CHRD: variants seen among roughly 807,000 people sequenced by gnomAD.
CHRD encodes the protein chordin.
Under a neutral mutation model 113.7 loss-of-function variants are expected in CHRD, and 69 were observed. The ratio of observed to expected loss-of-function variants is 0.61; its 90% CI spans 0.50 to 0.74. CHRD has a LOEUF of 0.74. Ranked by LOEUF, CHRD falls within the 30% of genes least tolerant of loss-of-function variation. The pLI, the probability that CHRD is intolerant of heterozygous loss-of-function variation, is 0.00. For missense variants in CHRD, 1,194 were observed against 1,295.8 expected (o/e 0.92, Z 1.21); for synonymous variants, 561 against 540.8 (o/e 1.04, Z -0.52).
chr3:184,388,065 C>A lies in CHRD; in HGVS notation c.2554+32C>A. On this transcript the variant is annotated intron_variant, in intron 20 of 22. Coordinates refer to ENST00000204604, the Ensembl canonical transcript of CHRD. The surrounding 1 kb of genome is among the most constrained non-coding windows in gnomAD (Gnocchi z 6.1). ...GAGGTGGCTGAGCACTGAGGCCTCA[C>A]CTTTGGGTTGAGGCAGGCTTTGTCC... The A allele has an allele frequency of 6.3e-7, 1 of 1,585,188 alleles. No individual in the cohort carries two copies. Among genetic ancestry groups the A allele is most frequent in the South Asian group, 1.1e-5 (1 of 88,708 alleles).
exon 23 of CHRD, chr3:184,389,588 G>T: frequency 1.6e-6 from 1 of 636,698 alleles, no homozygotes; most frequent in Non-Finnish European, 2.8e-6. Context: ...CTCCACAAGG[G>T]GGAGAGGCAG....
Position 184,387,465 on chromosome 3 carries a change from C to G in CHRD, c.2439C>G (p.Val813=), listed in dbSNP as rs1471955334. ...CCTTTGGCTTAATTAAGTGTGCTGTCTGCACCTGCAAGGTATGGCCACCCA... is the reference window on the plus strand; with the variant it reads ...CCTTTGGCTTAATTAAGTGTGCTGTGTGCACCTGCAAGGTATGGCCACCCA... The change falls in exon 19 of 23, where the codon GTC becomes GTG. Residue 813 remains valine (V), a synonymous_variant. Coordinates refer to ENST00000204604, the Ensembl canonical transcript of CHRD. The surrounding 1 kb of genome is among the most constrained non-coding windows in gnomAD (Gnocchi z 6.1). 6 of 1,609,202 alleles carry G rather than the reference C, an allele frequency of 3.7e-6. No homozygotes were observed. Among genetic ancestry groups the G allele is most frequent in the Non-Finnish European group, 4.2e-6 (5 of 1,177,912 alleles).
At position 184,384,506 on chromosome 3, in the gene CHRD, G is replaced by A; in HGVS notation, c.1441-31G>A. 6.8e-7 allele frequency: 1 copy of A among 1,461,050 alleles called. No individual in the cohort carries two copies. Among genetic ancestry groups the A allele is most frequent in the Non-Finnish European group, 9.0e-7 (1 of 1,106,550 alleles). 90.5% of individuals were successfully genotyped at this position (1,461,050 alleles called of 1,614,324 possible). ...TTCAGAACCTTGGACTCGTGTGAGA[G>A]CTGAGAAGGCCTATCCTCCCCTGCC... On this transcript the variant is annotated intron_variant, in intron 12 of 22. Coordinates refer to ENST00000204604, the Ensembl canonical transcript of CHRD. The surrounding 1 kb of genome is among the most constrained non-coding windows in gnomAD (Gnocchi z 4.4).
Position 184,388,387 on chromosome 3 carries a change from G to C in CHRD, c.2555-200G>C, listed in dbSNP as rs866033946. ...TCCATCCACCCATCCACCCATTGAT[G>C]CATCCATCCATCCATCCATCCATCC... On this transcript the variant is annotated intron_variant, in intron 20 of 22. Coordinates refer to ENST00000204604, the Ensembl canonical transcript of CHRD. The surrounding 1 kb of genome is among the most constrained non-coding windows in gnomAD (Gnocchi z 6.1). 6.8e-6 allele frequency among the ~76,000 whole-genome samples: 1 copy of C among 146,108 alleles called. No individual in the cohort carries two copies. Among genetic ancestry groups the C allele is most frequent in the East Asian group, 2.1e-4 (1 of 4,726 alleles).
Position 184,380,615 on chromosome 3 carries a change from C to G in CHRD, c.149-77C>G. Reference sequence around the variant, plus strand: ...GCAGAAGGGCGCGGTGCCTGGGACCCGGGACCCGCGGGCAGCCCCCGGGGC... The same window carrying G: ...GCAGAAGGGCGCGGTGCCTGGGACCGGGGACCCGCGGGCAGCCCCCGGGGC... On this transcript the variant is annotated intron_variant, in intron 1 of 22. Transcript: ENST00000204604. The surrounding 1 kb of genome is among the most constrained non-coding windows in gnomAD (Gnocchi z 6.3). The G allele has an allele frequency of 8.0e-7, 1 of 1,242,672 alleles. No individual in the cohort carries two copies. The highest frequency in any genetic ancestry group is 1.0e-6 in the Non-Finnish European group (1 of 955,820). 77.0% of individuals were successfully genotyped at this position (1,242,672 alleles called of 1,614,324 possible).
chr3:184,388,389 A>G lies in CHRD; in HGVS notation c.2555-198A>G, dbSNP rs1716695420. 2.0e-5 allele frequency among the ~76,000 whole-genome samples: 1 copy of G among 49,344 alleles called. No homozygotes were observed. Among genetic ancestry groups the G allele is most frequent in the Admixed American group, 1.6e-4 (1 of 6,222 alleles). The allele number at this position is 49,344 out of a possible 152,430, so 32.4% of individuals were successfully genotyped here. On this transcript the variant is annotated intron_variant, in intron 20 of 22. Coordinates refer to ENST00000204604, the Ensembl canonical transcript of CHRD. The surrounding 1 kb of genome is among the most constrained non-coding windows in gnomAD (Gnocchi z 6.1). ...CATCCACCCATCCACCCATTGATGCATCCATCCATCCATCCATCCATCCAT... is the reference window on the plus strand; with the variant it reads ...CATCCACCCATCCACCCATTGATGCGTCCATCCATCCATCCATCCATCCAT...
In CHRD at chr3:184,380,338, CG is replaced by C; in HGVS notation, c.21del (p.Pro8ArgfsTer61). On this transcript the variant is annotated frameshift_variant, in exon 1 of 23. Transcript: ENST00000204604. LOFTEE classifies it high-confidence loss of function. The surrounding 1 kb of genome is among the most constrained non-coding windows in gnomAD (Gnocchi z 6.3). Reference sequence around the variant, plus strand: ...CGCGTCATGCCGAGCCTCCCGGCCCCGCCGGCCCCGCTGCTGCTCCTCGGGC... The same window carrying C: ...CGCGTCATGCCGAGCCTCCCGGCCCCCCGGCCCCGCTGCTGCTCCTCGGGC... The C allele has an allele frequency of 1.5e-6, 2 of 1,354,082 alleles. No individual in the cohort carries two copies. The highest frequency in any genetic ancestry group is 5.3e-5 in the Admixed American group (2 of 37,502). 83.9% of individuals were successfully genotyped at this position (1,354,082 alleles called of 1,614,324 possible).
chr3:184,382,940 T>A lies in CHRD; in HGVS notation c.1065+2T>A. ...CTTCAGGCCAATGTCTCAGCCCAGG[T>A]GAGTGGGGATCTGGCTCTCGCTGCC... On this transcript the variant is annotated splice_donor_variant, in intron 9 of 22. Transcript: ENST00000204604. LOFTEE classifies it high-confidence loss of function. 1 of 1,613,886 alleles carries A rather than the reference T, an allele frequency of 6.2e-7. No homozygotes were observed. The highest frequency in any genetic ancestry group is 8.5e-7 in the Non-Finnish European group (1 of 1,179,936).
At position 184,389,008 on chromosome 3, in the gene CHRD, G is replaced by T; in HGVS notation, c.2812+13G>T. On this transcript the variant is annotated intron_variant, in intron 22 of 22. Coordinates refer to ENST00000204604, the Ensembl canonical transcript of CHRD. ...GCCCACCGGCGGCGTAAGTGAGGGA[G>T]TCCAGGGTCAGCAGCTGTGAGTGGA... The T allele has an allele frequency of 6.3e-7, 1 of 1,588,322 alleles. No individual in the cohort carries two copies. The highest frequency in any genetic ancestry group is 8.6e-7 in the Non-Finnish European group (1 of 1,161,890).
rs1920128 is a variant in CHRD, at chr3:184,380,405, A to T, written c.87A>T (p.Pro29=). The T allele has an allele frequency of 6.8e-6, 9 of 1,332,100 alleles. No homozygotes were observed. Among genetic ancestry groups the T allele is most frequent in the South Asian group, 1.5e-5 (1 of 65,672 alleles). The allele number at this position is 1,332,100 out of a possible 1,614,324, so 82.5% of individuals were successfully genotyped here. Reference sequence around the variant, plus strand: ...CCCGGCCGGCCCGCGGCGCCGGCCCAGAGCCCCCCGTGCTGCCCATCCGTT... The same window carrying T: ...CCCGGCCGGCCCGCGGCGCCGGCCCTGAGCCCCCCGTGCTGCCCATCCGTT... The change falls in exon 1 of 23, where the codon CCA becomes CCT. Residue 29 remains proline, a synonymous_variant. Coordinates refer to ENST00000204604, the Ensembl canonical transcript of CHRD. The surrounding 1 kb of genome is among the most constrained non-coding windows in gnomAD (Gnocchi z 6.3).
At position 184,381,171 on chromosome 3, in the gene CHRD, C is replaced by T. The variant is rs1248387065; in HGVS notation, c.253-64C>T. ...GGCTGACTCTGCGGGACATCCTTGC[C>T]TGGGGGGGTCTCATCAGTTGGCATC... On this transcript the variant is annotated intron_variant, in intron 2 of 22. Transcript: ENST00000204604. The surrounding 1 kb of genome is among the most constrained non-coding windows in gnomAD (Gnocchi z 4.7). 1.3e-6 allele frequency: 2 copies of T among 1,596,642 alleles called. No individual in the cohort carries two copies. The highest frequency in any genetic ancestry group is 1.7e-6 in the Non-Finnish European group (2 of 1,167,760).
At chr3:184,386,344 C>A in intron 15 of CHRD, 148 bp from the exon 16 acceptor site, 3 of 1,292,896 alleles carry the variant, frequency 2.3e-6, no homozygotes, top group Non-Finnish European at 3.2e-6. Context: ...CTATCCCTGG[C>A]AGCTGAGATG....
chr3:184,381,309 G>A lies in CHRD; in HGVS notation c.327G>A (p.Pro109=), dbSNP rs540307891. The A allele has an allele frequency of 1.2e-6, 2 of 1,610,584 alleles. No individual in the cohort carries two copies. Among genetic ancestry groups the A allele is most frequent in the African/African-American group, 1.3e-5 (1 of 74,890 alleles). ...ACATCAAACCAGAGTGCCCAACCCC[G>A]GCCTGTGGGCAGCCGCGCCAGCTGC... is the stretch of plus-strand genomic sequence containing the variant. Residue 109 remains proline, a synonymous_variant, in exon 3 of 23, where the codon CCG becomes CCA. Transcript: ENST00000204604. The surrounding 1 kb of genome is among the most constrained non-coding windows in gnomAD (Gnocchi z 4.7).
In CHRD at chr3:184,388,643, G is replaced by C; in HGVS notation, c.2611G>C (p.Gly871Arg). The C allele has an allele frequency of 6.2e-7, 1 of 1,613,594 alleles. No homozygotes were observed. The highest frequency in any genetic ancestry group is 8.5e-7 in the Non-Finnish European group (1 of 1,180,030). The change falls in exon 21 of 23, where the codon GGC (glycine) becomes CGC (arginine). Residue 871 changes from glycine (G) to arginine (R), a missense_variant. By Grantham distance (125) the Gly-to-Arg change is moderately radical (BLOSUM62 -2). Transcript: ENST00000204604. This position sits in a 1 kb window ranked among gnomAD's most constrained non-coding sequence, Gnocchi z 6.1. ...CCCCATGCAGGCTGATGGGCCCCGGGGCTGCCGTTTTGCTGGGCAGTGGTT... is the reference window on the plus strand; with the variant it reads ...CCCCATGCAGGCTGATGGGCCCCGGCGCTGCCGTTTTGCTGGGCAGTGGTT...
At position 184,380,630 on chromosome 3, in the gene CHRD, G is replaced by T; in HGVS notation, c.149-62G>T. The T allele has an allele frequency of 7.5e-7, 1 of 1,337,552 alleles. No individual in the cohort carries two copies. Among genetic ancestry groups the T allele is most frequent in the Non-Finnish European group, 9.8e-7 (1 of 1,020,864 alleles). The allele number at this position is 1,337,552 out of a possible 1,614,324, so 82.9% of individuals were successfully genotyped here. On this transcript the variant is annotated intron_variant, in intron 1 of 22. Coordinates refer to ENST00000204604, the Ensembl canonical transcript of CHRD. This position sits in a 1 kb window ranked among gnomAD's most constrained non-coding sequence, Gnocchi z 6.3. ...GCCTGGGACCCGGGACCCGCGGGCA[G>T]CCCCCGGGGCGGCACACGGCGCGAG...
At chr3:184,390,228 C>T (rs1182185472), downstream of CHRD, 2 of 115,250 alleles carry the variant, frequency 1.7e-5, no homozygotes, top group East Asian at 6.3e-4. Flanking sequence ...CCTCCCCTCC[C>T]CTCCCCTTCC....
chr3:184,390,465 C>G (rs1352232588), downstream of CHRD: 1 of 151,844 alleles, frequency 6.6e-6, no homozygotes, highest in Non-Finnish European at 1.5e-5. Context: ...CCTGGAAACT[C>G]GTGTTCTGGA....
exon 14 of CHRD, chr3:184,385,031 C>A (rs1421882754): frequency 6.2e-7 from 1 of 1,613,964 alleles, no homozygotes; most frequent in Non-Finnish European, 8.5e-7. Context: ...TGCCCGTGCC[C>A]CTAGCAGGAG....
Position 184,384,435 on chromosome 3 carries a change from G to A in CHRD, c.1441-102G>A. The A allele has an allele frequency of 7.7e-7, 1 of 1,304,160 alleles. No homozygotes were observed. Among genetic ancestry groups the A allele is most frequent in the East Asian group, 2.7e-5 (1 of 37,204 alleles). The allele number at this position is 1,304,160 out of a possible 1,614,324, so 80.8% of individuals were successfully genotyped here. ...GGTCCTTATCCTGTGTTTCTGGTGT[G>A]TGGAAGTGTGTGTGGGTGGAGTGGG... On this transcript the variant is annotated intron_variant, in intron 12 of 22. Coordinates refer to ENST00000204604, the Ensembl canonical transcript of CHRD. This position sits in a 1 kb window ranked among gnomAD's most constrained non-coding sequence, Gnocchi z 4.4.
Sources: gnomAD v4.1 joint callset for allele counts (sites outside exome capture counted in the v4.1 genomes callset) on GRCh38, gnomAD v4.1.1 for gene constraint, Gnocchi (gnomAD v3.1) non-coding constraint, MANE v1.5 for transcripts, NCBI Gene and HGNC (gene_info 2026-07-23, HGNC 2026-07-21) for gene names.